UTRN: variants seen among roughly 807,000 people sequenced by gnomAD.
UTRN encodes the protein utrophin.
Under a neutral mutation model 463.9 loss-of-function variants are expected in UTRN, and 283 were observed. The observed-to-expected ratio is 0.61, with a 90% CI of 0.55 to 0.67. The LOEUF is 0.67. Among genes scored for constraint, UTRN ranks in the 30% least tolerant of loss-of-function variants. The pLI, the probability that UTRN is intolerant of heterozygous loss-of-function variation, is 0.00. For synonymous variants in UTRN, 1,442 were observed against 1,431.5 expected (o/e 1.01, Z -0.17); for missense variants, 3,922 against 4,084.3 (o/e 0.96, Z 1.08).
intron 51 of UTRN, among the ~76,000 whole-genome samples, chr6:144,642,348 T>G (rs1461374040): frequency 6.6e-6 from 1 of 152,254 alleles, no homozygotes; most frequent in African/African-American, 2.4e-5. Flanking sequence ...TTTTTCATTT[T>G]CTGATAATCT....
Position 144,421,903 on chromosome 6 carries a change from T to G in UTRN, c.167T>G (p.Met56Arg). ...SKSGKPPIND[M>R]FTDLKDGRKL... The stretch of plus-strand genomic sequence containing the variant: ...AGTGGGAAACCACCCATCAATGATA[T>G]GTTCACAGACCTCAAAGATGGAAGG... Residue 56 changes from methionine (M) to arginine (R), a missense_variant, in exon 4 of 75, where the codon ATG (methionine) becomes AGG (arginine). Met to Arg is a moderately conservative substitution (Grantham distance 91, BLOSUM62 -1). Transcript: ENST00000367545. 6.2e-7 allele frequency: 1 copy of G among 1,612,626 alleles called. No homozygotes were observed.
At chr6:144,539,258 T>C (rs555041623) in intron 44 of UTRN, 36 bp from the exon 45 acceptor site, 2 of 1,524,114 alleles carry the variant, frequency 1.3e-6, no homozygotes, top group Admixed American at 4.3e-5. Flanking sequence ...CTTATCTGAC[T>C]ACCTTCTAAC....
intron 39 of UTRN, among the ~76,000 whole-genome samples, chr6:144,518,723 G>A (rs1345596236): frequency 2.0e-5 from 3 of 152,070 alleles, no homozygotes; most frequent in Admixed American, 6.6e-5. Flanking sequence ...GCACAAAATA[G>A]AAATAAGTTT....
intron 17 of UTRN, among the ~76,000 whole-genome samples, chr6:144,450,367 C>A (rs996631114): frequency 2.6e-5 from 4 of 152,184 alleles, no homozygotes; most frequent in Non-Finnish European, 5.9e-5. Context: ...ACTCATTATT[C>A]CAGACACGCC....
Position 144,577,112 on chromosome 6 carries a change from C to T in UTRN, c.7303C>T (p.Gln2435Ter). Residue 2435 changes from glutamine to a stop codon, truncating the protein, a stop_gained, in exon 51 of 75, where the codon CAG becomes TAG. Coordinates refer to ENST00000367545, the MANE Select transcript of UTRN (RefSeq NM_007124.3). LOFTEE classifies it high-confidence loss of function. ...TGTTACTTTCAGTATTGCTGACAGACAGAACGCCTTGGAGGCTGAGTGGAG... is the reference window on the plus strand; with the variant it reads ...TGTTACTTTCAGTATTGCTGACAGATAGAACGCCTTGGAGGCTGAGTGGAG... The part of the protein sequence containing the change: ...INLKQSIADR[Q>*]NALEAEWRTV... 6.2e-7 allele frequency: 1 copy of T among 1,613,516 alleles called. No homozygotes were observed. The highest frequency in any genetic ancestry group is 8.5e-7 in the Non-Finnish European group (1 of 1,179,672).
At chr6:144,431,541 A>C (rs1785844716) in intron 9 of UTRN, among the ~76,000 whole-genome samples, 1 of 152,208 alleles carries the variant, frequency 6.6e-6, no homozygotes, top group Non-Finnish European at 1.5e-5. Context: ...GTGGTCAATG[A>C]ATAATTCCTG....
chr6:144,477,084 G>T (rs536926011), intron 25 of UTRN, among the ~76,000 whole-genome samples: 2 of 152,158 alleles, frequency 1.3e-5, no homozygotes, highest in African/African-American at 4.8e-5. Context: ...GAGATCCACC[G>T]TCTAAGTGAA....
At chr6:144,391,218 T>A (rs539721862) in intron 2 of UTRN, among the ~76,000 whole-genome samples, 1 of 152,226 alleles carries the variant, frequency 6.6e-6, no homozygotes, top group African/African-American at 2.4e-5. Flanking sequence ...ACTACAGGCA[T>A]GTACCACCAT....
chr6:144,752,732 T>TC (rs1441656838), intron 56 of UTRN, among the ~76,000 whole-genome samples: 1 of 152,198 alleles, frequency 6.6e-6, no homozygotes, highest in Non-Finnish European at 1.5e-5. Context: ...TGTTCTTTAT[T>TC]CTTTTTTTTT....
At chr6:144,503,177 A>G (rs1794367390) in intron 34 of UTRN, among the ~76,000 whole-genome samples, 1 of 152,208 alleles carries the variant, frequency 6.6e-6, no homozygotes, top group Admixed American at 6.5e-5. Context: ...ATAGATTGCA[A>G]AAACTTTCTC....
intron 50 of UTRN, among the ~76,000 whole-genome samples, chr6:144,571,551 T>C (rs916333943): frequency 2.0e-5 from 3 of 152,216 alleles, no homozygotes; most frequent in Non-Finnish European, 2.9e-5. Flanking sequence ...TCTGCTGATA[T>C]CCTATTTTGG....
At chr6:144,729,992 A>T (rs928263207) in intron 53 of UTRN, among the ~76,000 whole-genome samples, 8 of 152,156 alleles carry the variant, frequency 5.3e-5, no homozygotes, top group African/African-American at 1.7e-4. Flanking sequence ...TTTTTTTGTC[A>T]GTCAGTCTTA....
chr6:144,789,355 T>A, intron 62 of UTRN, 76 bp downstream of exon 62: 1 of 1,264,070 alleles, frequency 7.9e-7, no homozygotes, highest in Non-Finnish European at 1.1e-6. Flanking sequence ...GAAACTTAAA[T>A]TATATAATTT....
rs971999454 is a variant in UTRN, at chr6:144,602,297, G to A, written c.7479+25009G>A. On this transcript the variant is annotated intron_variant, in intron 51 of 74. Coordinates refer to ENST00000367545, the MANE Select transcript of UTRN (RefSeq NM_007124.3). ...CAGGCACGCACCACCAGTCCCGGCT[G>A]ATTTTTTTTTTTTGTATTTTTAGTA... 3.3e-5 allele frequency among the ~76,000 whole-genome samples: 5 copies of A among 151,110 alleles called. No homozygotes were observed. In the East Asian group the frequency reaches 9.7e-4, roughly 29 times the overall value.
intron 41 of UTRN, among the ~76,000 whole-genome samples, chr6:144,524,531 G>A (rs185046456): frequency 9.9e-5 from 15 of 151,514 alleles, no homozygotes; most frequent in South Asian, 6.3e-4. Flanking sequence ...ATTTTTGTAC[G>A]TCAATTTTGT....
chr6:144,705,693 A>T (rs1433283143), intron 53 of UTRN, among the ~76,000 whole-genome samples: 1 of 152,184 alleles, frequency 6.6e-6, no homozygotes, highest in African/African-American at 2.4e-5. Flanking sequence ...AACTGTAGCA[A>T]GTAGTTCCAT....
chr6:144,349,451 C>T (rs1777916055), intron 2 of UTRN, among the ~76,000 whole-genome samples: 1 of 152,150 alleles, frequency 6.6e-6, no homozygotes, highest in Non-Finnish European at 1.5e-5. Flanking sequence ...AGGGAGGATG[C>T]CCCGGGAGAG....
At chr6:144,838,217 T>C (rs1162550995) in intron 71 of UTRN, among the ~76,000 whole-genome samples, 1 of 152,128 alleles carries the variant, frequency 6.6e-6, no homozygotes, top group Non-Finnish European at 1.5e-5. Flanking sequence ...ACTCCCTCCA[T>C]CCCATTAGAC....
intron 51 of UTRN, among the ~76,000 whole-genome samples, chr6:144,604,638 G>A (rs1804633385): frequency 6.6e-6 from 1 of 152,042 alleles, no homozygotes; most frequent in African/African-American, 2.4e-5. Flanking sequence ...AAAAGGCCAG[G>A]CGTGGTGACT....
Sources: gnomAD v4.1 joint callset for allele counts (sites outside exome capture counted in the v4.1 genomes callset) on GRCh38, gnomAD v4.1.1 for gene constraint, MANE v1.5 for transcripts, NCBI Gene and HGNC (gene_info 2026-07-23, HGNC 2026-07-21) for gene names.